Variants in EMP2 observed in about 807,000 individuals in gnomAD.
EMP2 encodes the protein epithelial membrane protein 2.
EMP2 carries 19 observed loss-of-function variants against 13.7 expected under a neutral mutation model. The observed-to-expected ratio is 1.38, with a 90% CI of 0.97 to 2.03. The LOEUF (loss-of-function observed/expected upper bound fraction) is 2.03, where lower values mean the gene tolerates loss of function less well. Ranked by LOEUF, EMP2 falls within the 30% of genes most tolerant of loss-of-function variation. The probability of loss-of-function intolerance (pLI) is 0.00; values close to 1 mark genes in which losing one functional copy is unlikely to be tolerated. For missense variants in EMP2, 253 were observed against 220.7 expected (o/e 1.15, Z -0.93); for synonymous variants, 97 against 84.7 (o/e 1.15, Z -0.80).
intron 1 of EMP2, among the ~76,000 whole-genome samples, chr16:10,569,088 G>A (rs2050929782): frequency 6.6e-6 from 1 of 152,000 alleles, no homozygotes; most frequent in South Asian, 2.1e-4. Flanking sequence ...GCGCCCAGCT[G>A]TGCTAGGAAT....
chr16:10,547,275 G>A (rs566691143), intron 2 of EMP2: 180 of 387,828 alleles, frequency 4.6e-4, no homozygotes, highest in Admixed American at 1.0e-3. Context: ...TAAGTCTCAC[G>A]AGATCTGACG....
At chr16:10,549,908 CAGAG>C (rs1567204741) in intron 1 of EMP2, among the ~76,000 whole-genome samples, 2 of 104,236 alleles carry the variant, frequency 1.9e-5, no homozygotes, top group African/African-American at 7.8e-5. Flanking sequence ...TTTTTTGAGA[CAGAG>C]TCTCACTCTG....
chr16:10,561,845 GC>G (rs2050873426), intron 1 of EMP2, among the ~76,000 whole-genome samples: 1 of 152,084 alleles, frequency 6.6e-6, no homozygotes, highest in South Asian at 2.1e-4. Flanking sequence ...GAGCTAAAGG[GC>G]TAATAACAAG....
At chr16:10,560,135 T>C (rs2050861314) in intron 1 of EMP2, among the ~76,000 whole-genome samples, 1 of 152,218 alleles carries the variant, frequency 6.6e-6, no homozygotes, top group Non-Finnish European at 1.5e-5. Context: ...CCTTCCCTTT[T>C]GGGGTCCTGT....
intron 1 of EMP2, among the ~76,000 whole-genome samples, chr16:10,548,855 G>A (rs1388514887): frequency 3.3e-5 from 5 of 152,178 alleles, no homozygotes. Flanking sequence ...TGATCACACA[G>A]GAAGACTATA....
rs1246646807 is a variant in EMP2 at position 10,531,690 on chromosome 16, T to C, written c.*1215A>G. ...CTAGGCCATGAGCCCTAGGAGGAGA[T>C]TGTCTCTAGAGGGTATCCCCTGTGC... On this transcript the variant is annotated 3_prime_UTR_variant, in exon 5 of 5. Coordinates refer to ENST00000359543, the MANE Select transcript of EMP2 (RefSeq NM_001424.6). The C allele has an allele frequency of 2.0e-5, 3 of 152,682 alleles. No individual in the cohort carries two copies. Among genetic ancestry groups the C allele is most frequent in the East Asian group, 1.9e-4 (1 of 5,204 alleles). The allele number at this position is 152,682 out of a possible 1,614,324, so 9.5% of individuals were successfully genotyped here. A position where few individuals can be genotyped will look rare whatever the true frequency, so the allele number is the denominator to read the frequency against.
At chr16:10,557,597 A>G (rs2050840736) in intron 1 of EMP2, among the ~76,000 whole-genome samples, 1 of 152,140 alleles carries the variant, frequency 6.6e-6, no homozygotes, top group Non-Finnish European at 1.5e-5. Flanking sequence ...TTCTAAATGA[A>G]TCACTTTTTC....
intron 1 of EMP2, among the ~76,000 whole-genome samples, chr16:10,571,477 T>G (rs2050946982): frequency 6.6e-6 from 1 of 152,050 alleles, no homozygotes; most frequent in Non-Finnish European, 1.5e-5. Flanking sequence ...GAAATCAGCA[T>G]TCTATCCAGA....
At chr16:10,560,896 C>A (rs1412672698) in intron 1 of EMP2, among the ~76,000 whole-genome samples, 2 of 152,152 alleles carry the variant, frequency 1.3e-5, no homozygotes, top group Non-Finnish European at 2.9e-5. Flanking sequence ...AGCTTAAGGG[C>A]CTTGGAGACC....
intron 1 of EMP2, among the ~76,000 whole-genome samples, chr16:10,556,646 C>G (rs1293071598): frequency 6.6e-6 from 1 of 152,236 alleles, no homozygotes; most frequent in African/African-American, 2.4e-5. Flanking sequence ...CTCCTCATGA[C>G]TAAAGGTCAA....
chr16:10,561,009 CAG>C (rs2050867568), intron 1 of EMP2, among the ~76,000 whole-genome samples: 1 of 152,124 alleles, frequency 6.6e-6, no homozygotes, highest in South Asian at 2.1e-4. Context: ...ATTCCACAGT[CAG>C]AAGGATGGAG....
At chr16:10,576,063 A>G (rs2050982453) in intron 1 of EMP2, among the ~76,000 whole-genome samples, 1 of 152,070 alleles carries the variant, frequency 6.6e-6, no homozygotes, top group Admixed American at 6.6e-5. Context: ...CTTATTAACT[A>G]AATTCTTTGA....
At chr16:10,566,027 C>A (rs2050904880) in intron 1 of EMP2, among the ~76,000 whole-genome samples, 1 of 152,196 alleles carries the variant, frequency 6.6e-6, no homozygotes. Context: ...TGAGAACACA[C>A]CACCCCCAGC....
intron 1 of EMP2, among the ~76,000 whole-genome samples, chr16:10,564,504 A>G (rs944309395): frequency 5.3e-5 from 8 of 151,520 alleles, no homozygotes; most frequent in Non-Finnish European, 1.2e-4. Flanking sequence ...AAAAAAAAAA[A>G]AAAAAAAGGT....
chr16:10,532,836 G>C lies in EMP2; in HGVS notation c.*69C>G. 3.3e-6 allele frequency: 3 copies of C among 920,234 alleles called. No homozygotes were observed. The highest frequency in any genetic ancestry group is 4.0e-6 in the Non-Finnish European group (3 of 755,360). 57.0% of individuals were successfully genotyped at this position (920,234 alleles called of 1,614,324 possible). The stretch of plus-strand genomic sequence containing the variant: ...TGCTAGAAAAACCTCAAAAAATAAT[G>C]ATTATATACAAAATGGTTATCTGAA... On this transcript the variant is annotated 3_prime_UTR_variant, in exon 5 of 5. Coordinates refer to ENST00000359543, the MANE Select transcript of EMP2 (RefSeq NM_001424.6).
intron 1 of EMP2, among the ~76,000 whole-genome samples, chr16:10,548,924 T>C (rs115179084): frequency 0.012 from 1,870 of 152,258 alleles, 35 homozygotes; most frequent in African/African-American, 0.041. Flanking sequence ...CAGAACTTCA[T>C]GACATGGCCA....
At position 10,580,459 on chromosome 16, in the gene EMP2, G is replaced by C. The variant is rs2051019917; in HGVS notation, c.-61+90C>G. Reference sequence around the variant, plus strand: ...CCGGGGGCTGCTCCCGGTCCAGTAAGTGGAGGGGTCGCGTCCCTGCTGCCC... The same window carrying C: ...CCGGGGGCTGCTCCCGGTCCAGTAACTGGAGGGGTCGCGTCCCTGCTGCCC... On this transcript the variant is annotated intron_variant, in intron 1 of 4. Coordinates refer to ENST00000359543, the MANE Select transcript of EMP2 (RefSeq NM_001424.6). The surrounding 1 kb of genome is among the most constrained non-coding windows in gnomAD (Gnocchi z 4.3). The C allele has an allele frequency of 6.6e-6, 1 of 152,344 alleles. No individual in the cohort carries two copies. Among genetic ancestry groups the C allele is most frequent in the Non-Finnish European group, 1.5e-5 (1 of 68,150 alleles). 9.4% of individuals were successfully genotyped at this position (152,344 alleles called of 1,614,324 possible). A position where few individuals can be genotyped will look rare whatever the true frequency, so the allele number is the denominator to read the frequency against.
intron 1 of EMP2, among the ~76,000 whole-genome samples, chr16:10,552,863 C>T (rs548928533): frequency 4.6e-5 from 7 of 152,088 alleles, no homozygotes; most frequent in African/African-American, 1.4e-4. Flanking sequence ...ACATTTCAGA[C>T]ATCAGGAACA....
intron 1 of EMP2, among the ~76,000 whole-genome samples, chr16:10,555,151 G>A (rs1170489953): frequency 1.3e-5 from 2 of 152,086 alleles, no homozygotes; most frequent in South Asian, 2.1e-4. Flanking sequence ...CAGGAACAAG[G>A]TCAGGACTAG....
Sources: gnomAD v4.1 joint callset for allele counts (sites outside exome capture counted in the v4.1 genomes callset) on GRCh38, gnomAD v4.1.1 for gene constraint, Gnocchi (gnomAD v3.1) non-coding constraint, MANE v1.5 for transcripts, NCBI Gene and HGNC (gene_info 2026-07-23, HGNC 2026-07-21) for gene names.